Variants in AKR1C8 observed in about 807,000 individuals in gnomAD.
AKR1C8 encodes aldo-keto reductase family 1 member C-like protein 1.
the AKR1C8 span, among the ~76,000 whole-genome samples, chr10:5,152,061 T>G: frequency 0.042 from 6,388 of 152,254 alleles, 207 homozygotes; most frequent in Non-Finnish European, 0.063. Context: ...ATAATTTTAG[T>G]ATAGCATTTA....
chr10:5,158,169 ACTAAT>A, the AKR1C8 span, among the ~76,000 whole-genome samples: 4 of 152,304 alleles, frequency 2.6e-5, no homozygotes, highest in Admixed American at 1.3e-4. Flanking sequence ...AGCACACAAA[ACTAAT>A]CTAAGGTGAA....
the AKR1C8 span, among the ~76,000 whole-genome samples, chr10:5,125,928 C>T: frequency 6.6e-6 from 1 of 152,188 alleles, no homozygotes; most frequent in Non-Finnish European, 1.5e-5. Flanking sequence ...TGTAGTCTGG[C>T]TCTCAGGATC....
chr10:5,169,155 T>C, the AKR1C8 span, among the ~76,000 whole-genome samples: 1 of 152,222 alleles, frequency 6.6e-6, no homozygotes, highest in Non-Finnish European at 1.5e-5. Context: ...TTTTACTGTC[T>C]GCTCTTTCTG....
At chr10:5,125,103 ATTG>A in the AKR1C8 span, among the ~76,000 whole-genome samples, 8 of 151,778 alleles carry the variant, frequency 5.3e-5, no homozygotes, top group Non-Finnish European at 1.0e-4. Context: ...AACATCTCTC[ATTG>A]TTGTATAATT....
chr10:5,161,686 G>A, the AKR1C8 span: 1 of 532,922 alleles, frequency 1.9e-6, no homozygotes. Flanking sequence ...TGATGGTAGA[G>A]TCACTCAATT....
At chr10:5,177,466 T>G in the AKR1C8 span, among the ~76,000 whole-genome samples, 1 of 152,194 alleles carries the variant, frequency 6.6e-6, no homozygotes, top group African/African-American at 2.4e-5. Flanking sequence ...TCTGCCCGGC[T>G]TTGGTATCAG....
At chr10:5,127,088 C>A in the AKR1C8 span, among the ~76,000 whole-genome samples, 2 of 152,092 alleles carry the variant, frequency 1.3e-5, no homozygotes, top group Admixed American at 1.3e-4. Flanking sequence ...AAAAAGATCA[C>A]ACTAGCTCCC....
the AKR1C8 span, among the ~76,000 whole-genome samples, chr10:5,159,228 T>C: frequency 6.6e-6 from 1 of 152,174 alleles, no homozygotes; most frequent in South Asian, 2.1e-4. Context: ...ATTCATAAAT[T>C]CGCATGGCAT....
At chr10:5,133,546 A>G in the AKR1C8 span, among the ~76,000 whole-genome samples, 1 of 152,170 alleles carries the variant, frequency 6.6e-6, no homozygotes, top group Non-Finnish European at 1.5e-5. Flanking sequence ...TTGAGAATAT[A>G]GGGGAAATGT....
chr10:5,134,576 T>G, the AKR1C8 span, among the ~76,000 whole-genome samples: 2 of 152,182 alleles, frequency 1.3e-5, no homozygotes, highest in Non-Finnish European at 2.9e-5. Flanking sequence ...TAAAGTTATT[T>G]TTCCTTTTAA....
At chr10:5,164,429 A>G in the AKR1C8 span, among the ~76,000 whole-genome samples, 2 of 152,122 alleles carry the variant, frequency 1.3e-5, no homozygotes, top group Admixed American at 1.3e-4. Flanking sequence ...TGGGTGATAC[A>G]TCATGAGAGA....
At chr10:5,139,906 G>A in the AKR1C8 span, among the ~76,000 whole-genome samples, 14 of 152,148 alleles carry the variant, frequency 9.2e-5, no homozygotes, top group Non-Finnish European at 1.8e-4. Flanking sequence ...ATCTGACAAA[G>A]GGCTAATATC....
the AKR1C8 span, among the ~76,000 whole-genome samples, chr10:5,128,452 A>G: frequency 1.3e-5 from 2 of 152,130 alleles, no homozygotes; most frequent in African/African-American, 4.8e-5. Flanking sequence ...AACATTGAAC[A>G]TAAATGGCCT....
the AKR1C8 span, among the ~76,000 whole-genome samples, chr10:5,121,758 T>C: frequency 6.6e-6 from 1 of 152,134 alleles, no homozygotes; most frequent in Non-Finnish European, 1.5e-5. Flanking sequence ...TAATTTTTCT[T>C]TTTTTAGCAT....
At chr10:5,122,476 A>G in the AKR1C8 span, among the ~76,000 whole-genome samples, 1 of 152,210 alleles carries the variant, frequency 6.6e-6, no homozygotes, top group East Asian at 1.9e-4. Context: ...AAGAAAGTGT[A>G]GACACAATAC....
At chr10:5,139,879 A>G in the AKR1C8 span, among the ~76,000 whole-genome samples, 43 of 152,136 alleles carry the variant, frequency 2.8e-4, no homozygotes, top group Admixed American at 2.8e-3. Context: ...ATGGGAGAAA[A>G]TTTTTGCAAC....
chr10:5,174,776 T>A, the AKR1C8 span, among the ~76,000 whole-genome samples: 4 of 151,746 alleles, frequency 2.6e-5, no homozygotes, highest in East Asian at 7.7e-4. Flanking sequence ...TGAAAAGACA[T>A]AAAAATAAAT....
the AKR1C8 span, chr10:5,161,817 AAAC>A: frequency 3.7e-6 from 2 of 534,648 alleles, no homozygotes; most frequent in Non-Finnish European, 7.7e-6. Flanking sequence ...AACCATGATG[AAAC>A]AGTCTTGGGC....
At chr10:5,180,939 C>A in the AKR1C8 span, among the ~76,000 whole-genome samples, 3 of 152,196 alleles carry the variant, frequency 2.0e-5, no homozygotes, top group Non-Finnish European at 2.9e-5. Context: ...TTGCACTTCC[C>A]GAGTGAGGCA....
Sources: gnomAD v4.1 joint callset for allele counts (sites outside exome capture counted in the v4.1 genomes callset) on GRCh38, gnomAD v4.1.1 for gene constraint, MANE v1.5 for transcripts, NCBI Gene and HGNC (gene_info 2026-07-23, HGNC 2026-07-21) for gene names.